INTS8: variants seen among roughly 807,000 people sequenced by gnomAD.
INTS8 encodes protein kaonashi-1.
In INTS8, 47 loss-of-function variants were observed where a neutral mutation model predicts 138.9. That is an observed-to-expected ratio of 0.34 (90% CI 0.27 to 0.43). The LOEUF is 0.43. INTS8 is among the 20% of genes least tolerant of loss of function. The pLI is 1.00. For missense variants in INTS8, 996 were observed against 1,173.0 expected, an observed-to-expected ratio of 0.85 and a Z score of 2.20; for synonymous variants, 392 against 400.9, an observed-to-expected ratio of 0.98 and a Z score of 0.27.
intron 1 of INTS8, among the ~76,000 whole-genome samples, chr8:94,824,593 C>T: frequency 6.6e-6 from 1 of 152,122 alleles, no homozygotes; most frequent in East Asian, 1.9e-4. Context: ...AACCAGAAAT[C>T]TATGACTGTT....
intron 10 of INTS8, among the ~76,000 whole-genome samples, chr8:94,843,202 T>A (rs568527556): frequency 2.0e-5 from 3 of 152,372 alleles, no homozygotes; most frequent in East Asian, 1.9e-4. Flanking sequence ...ATTCATCATC[T>A]TCTTTCACTA....
intron 21 of INTS8, among the ~76,000 whole-genome samples, chr8:94,872,474 T>C (rs940328676): frequency 1.3e-5 from 2 of 152,226 alleles, no homozygotes; most frequent in Non-Finnish European, 2.9e-5. Context: ...CCTCAGGTGA[T>C]CTGCCCGCCT....
At chr8:94,878,435 C>T (rs1372699148) in intron 26 of INTS8, among the ~76,000 whole-genome samples, 3 of 152,178 alleles carry the variant, frequency 2.0e-5, no homozygotes, top group African/African-American at 7.2e-5. Flanking sequence ...TGAGTGCTAG[C>T]TTAAAATTCC....
At chr8:94,855,151 C>G (rs1815699554) in intron 14 of INTS8, among the ~76,000 whole-genome samples, 1 of 152,154 alleles carries the variant, frequency 6.6e-6, no homozygotes, top group African/African-American at 2.4e-5. Flanking sequence ...CAAAGTAATT[C>G]TGTTGCATGC....
At chr8:94,855,100 A>G (rs886529942) in intron 14 of INTS8, among the ~76,000 whole-genome samples, 1 of 152,138 alleles carries the variant, frequency 6.6e-6, no homozygotes. Flanking sequence ...AATGGATCAG[A>G]AATTCTGGGA....
chr8:94,876,753 G>A (rs716733), intron 26 of INTS8: 72,566 of 352,892 alleles, frequency 0.21, 7,884 homozygotes, highest in African/African-American at 0.25. Flanking sequence ...AAAGTCTTAC[G>A]ATGGCTTTAT....
At chr8:94,828,447 G>A (rs1377685418) in intron 4 of INTS8, among the ~76,000 whole-genome samples, 1 of 152,154 alleles carries the variant, frequency 6.6e-6, no homozygotes, top group African/African-American at 2.4e-5. Flanking sequence ...GTATCTGGAG[G>A]TTTTCTTTTT....
At chr8:94,831,870 T>C (rs1814730245) in intron 5 of INTS8, 122 bp from the exon 6 acceptor site, 1 of 606,400 alleles carries the variant, frequency 1.6e-6, no homozygotes, top group Non-Finnish European at 2.7e-6. Flanking sequence ...ATTGTACTCT[T>C]GCTGTGTTAA....
At position 94,873,333 on chromosome 8, in the gene INTS8, A is replaced by G. The variant is rs77581564; in HGVS notation, c.2534-41A>G. 0.034 allele frequency: 47,053 copies of G among 1,379,986 alleles called. 1,009 individuals carry two copies. Among genetic ancestry groups the G allele is most frequent in the Non-Finnish European group, 0.04 (39,031 of 966,464 alleles). The allele number at this position is 1,379,986 out of a possible 1,614,324, so 85.5% of individuals were successfully genotyped here. On this transcript the variant is annotated intron_variant, in intron 21 of 26. Coordinates refer to ENST00000523731, the MANE Select transcript of INTS8 (RefSeq NM_017864.4). ...TTTACAAAGGAATCCCTGTTTTTCA[A>G]CTGTTACCTCTAATGCTTTATGTCT... is the stretch of plus-strand genomic sequence containing the variant.
intron 11 of INTS8, 25 bp downstream of exon 11, chr8:94,849,557 CTTTTTT>C: frequency 2.7e-6 from 3 of 1,115,410 alleles, no homozygotes; most frequent in Non-Finnish European, 3.8e-6. Flanking sequence ...TTTCTTTTTT[CTTTTTT>C]TTTTTAACTT....
chr8:94,829,667 G>A lies in INTS8; in HGVS notation c.570+641G>A, dbSNP rs189141739. Among the ~76,000 whole-genome samples, 438 of 152,248 alleles carry A rather than the reference G, an allele frequency of 2.9e-3. 2 individuals carry two copies. The highest frequency in any genetic ancestry group is 0.02 in the Middle Eastern group (6 of 294). On this transcript the variant is annotated intron_variant, in intron 5 of 26. Transcript: ENST00000523731. ...GGACATGAGAGTTGTGAAGGTCTAA[G>A]TGCCGTGACATTAAGGTTTTTACTA...
intron 26 of INTS8, among the ~76,000 whole-genome samples, chr8:94,879,493 G>A (rs1816707200): frequency 6.6e-6 from 1 of 151,894 alleles, no homozygotes; most frequent in Non-Finnish European, 1.5e-5. Flanking sequence ...TACTTGGGAG[G>A]CTGAGGCAGG....
chr8:94,862,451 T>A (rs910863547), intron 16 of INTS8, among the ~76,000 whole-genome samples: 2 of 152,222 alleles, frequency 1.3e-5, no homozygotes. Context: ...TCTTTACCTC[T>A]GGCAGTGAAT....
At chr8:94,842,534 A>G (rs1258246831) in intron 10 of INTS8, 46 bp downstream of exon 10, 1 of 1,501,568 alleles carries the variant, frequency 6.7e-7, no homozygotes, top group East Asian at 2.3e-5. Context: ...ATTTGCTTTA[A>G]GCTTACCAGT....
chr8:94,835,511 A>G (rs1484180646), intron 6 of INTS8, among the ~76,000 whole-genome samples: 2 of 152,130 alleles, frequency 1.3e-5, no homozygotes, highest in African/African-American at 2.4e-5. Context: ...GACGTGCACC[A>G]TCTTCACTTT....
chr8:94,842,469 A>C lies in INTS8; in HGVS notation c.1241A>C (p.Lys414Thr). Reference sequence around the variant, plus strand: ...CTATTTCTTAGACCAAATAAAGAGAAAATAGACTTTCTTCTTGAGGTATGA... The same window carrying C: ...CTATTTCTTAGACCAAATAAAGAGACAATAGACTTTCTTCTTGAGGTATGA... Reference protein sequence around the residue: ...NQLFLRPNKEKIDFLLEVCSR... With the variant: ...NQLFLRPNKETIDFLLEVCSR... Residue 414 changes from lysine (K) to threonine (T), a missense_variant, in exon 10 of 27, where the codon AAA becomes ACA. By Grantham distance (78) the Lys-to-Thr change is moderately conservative. Coordinates refer to ENST00000523731, the MANE Select transcript of INTS8 (RefSeq NM_017864.4). 1 of 1,603,046 alleles carries C rather than the reference A, an allele frequency of 6.2e-7. No homozygotes were observed. Among genetic ancestry groups the C allele is most frequent in the Non-Finnish European group, 8.5e-7 (1 of 1,173,532 alleles).
chr8:94,862,235 C>T (rs1270847943), intron 16 of INTS8, among the ~76,000 whole-genome samples: 1 of 152,196 alleles, frequency 6.6e-6, no homozygotes, highest in African/African-American at 2.4e-5. Context: ...AGCCACCGTG[C>T]CCGACCTGAA....
In INTS8 at chr8:94,859,594, G is replaced by T; in HGVS notation, c.2038G>T (p.Val680Phe). 6.2e-7 allele frequency: 1 copy of T among 1,612,064 alleles called. No individual in the cohort carries two copies. Among genetic ancestry groups the T allele is most frequent in the Non-Finnish European group, 8.5e-7 (1 of 1,178,322 alleles). Reference protein sequence around the residue: ...WRENEYLTLQVPAFLLQSNPY... With the variant: ...WRENEYLTLQFPAFLLQSNPY... ...AGAAAATGAATACCTTACACTCCAA[G>T]TTCCTGCATTTTTGCTTCAGAGTAA... The change falls in exon 16 of 27, where the codon GTT becomes TTT. Residue 680 changes from valine to phenylalanine, a missense_variant. Physicochemically the swap from Val to Phe is conservative, Grantham distance 50. Transcript: ENST00000523731.
At chr8:94,832,316 A>G (rs1586470894) in intron 6 of INTS8, 142 bp downstream of exon 6, 1 of 622,176 alleles carries the variant, frequency 1.6e-6, no homozygotes, top group South Asian at 2.2e-5. Flanking sequence ...TAATTTATAC[A>G]TTTATAAGAT....
Sources: gnomAD v4.1 joint callset for allele counts (sites outside exome capture counted in the v4.1 genomes callset) on GRCh38, gnomAD v4.1.1 for gene constraint, MANE v1.5 for transcripts, NCBI Gene and HGNC (gene_info 2026-07-23, HGNC 2026-07-21) for gene names.